The following PCDH11X variants were observed in gnomAD, a reference collection of about 807,000 sequenced individuals.
PCDH11X encodes the protein protocadherin 11 X-linked, also known as protocadherin-11 X-linked.
A neutral mutation model predicts 53.3 loss-of-function variants in PCDH11X; 18 were observed. The observed-to-expected ratio is 0.34, with a 90% CI of 0.23 to 0.50. The LOEUF (loss-of-function observed/expected upper bound fraction) is 0.50, where lower values mean the gene tolerates loss of function less well. PCDH11X is among the 20% of genes least tolerant of loss of function. The probability of loss-of-function intolerance (pLI) is 0.98; values close to 1 mark genes in which losing one functional copy is unlikely to be tolerated. For synonymous variants in PCDH11X, 279 were observed against 393.3 expected (o/e 0.71, Z 3.44); for missense variants, 570 against 1,032.4 (o/e 0.55, Z 6.14).
intron 4 of PCDH11X, 36 bp downstream of exon 4, chrX:91,811,331 C>T (rs767286337): frequency 9.2e-7 from 1 of 1,083,384 alleles, no homozygotes; most frequent in East Asian, 3.0e-5. Flanking sequence ...ATATACGTCT[C>T]CTTTCCTCTG....
chrX:91,939,837 A>G (rs2061487377), intron 6 of PCDH11X, among the ~76,000 whole-genome samples: 1 of 111,448 alleles, frequency 9.0e-6, no homozygotes, highest in Admixed American at 9.6e-5. Flanking sequence ...GAAATGCTGA[A>G]GTCCATCAGG....
chrX:92,515,520 C>T (rs758524136), intron 10 of PCDH11X: 8 of 279,720 alleles, frequency 2.9e-5, no homozygotes, highest in African/African-American at 8.7e-5. Flanking sequence ...GCCGCCGCCG[C>T]GGGCTCCCAT....
chrX:92,461,366 A>G (rs2073040484), intron 9 of PCDH11X, among the ~76,000 whole-genome samples: 1 of 109,209 alleles, frequency 9.2e-6, no homozygotes. Context: ...AGACACATAT[A>G]CCAGGGGAAC....
intron 8 of PCDH11X, among the ~76,000 whole-genome samples, chrX:92,334,626 C>A (rs1603276514): frequency 9.0e-6 from 1 of 111,575 alleles, no homozygotes; most frequent in South Asian, 3.8e-4. Flanking sequence ...AGAGAAAAGT[C>A]ATGCCATTAC....
chrX:91,813,137 A>C (rs1275586817), intron 4 of PCDH11X, among the ~76,000 whole-genome samples: 1 of 111,560 alleles, frequency 9.0e-6, no homozygotes, highest in Non-Finnish European at 1.9e-5. Context: ...CAGCCCATTC[A>C]GTTCAAAACA....
chrX:92,594,854 G>GT (rs1166211753), intron 10 of PCDH11X, among the ~76,000 whole-genome samples: 8 of 97,758 alleles, frequency 8.2e-5, no homozygotes, highest in African/African-American at 3.0e-4. Flanking sequence ...TTTTTTGTTT[G>GT]TTTGTTTTGG....
intron 10 of PCDH11X, among the ~76,000 whole-genome samples, chrX:92,558,634 T>C (rs186387655): frequency 4.2e-4 from 46 of 110,304 alleles, no homozygotes; most frequent in African/African-American, 1.4e-3. Context: ...TAAATCCTAC[T>C]AAAAACTCTT....
At chrX:91,901,070 G>A (rs1368083798) in intron 6 of PCDH11X, among the ~76,000 whole-genome samples, 1 of 110,396 alleles carries the variant, frequency 9.1e-6, no homozygotes, top group African/African-American at 3.3e-5. Context: ...TAGCTGCTGG[G>A]CCTTGCATAA....
Position 92,589,423 on chromosome X carries a change from C to T in PCDH11X, c.3368-28841C>T, listed in dbSNP as rs779810938. On this transcript the variant is annotated intron_variant, in intron 10 of 10. Transcript: ENST00000682573. ...TACAATAACATATAAATATTAACAA[C>T]AAAAATTTGAAAAGCAGGGGACAAA... 5.4e-5 allele frequency among the ~76,000 whole-genome samples: 6 copies of T among 111,345 alleles called. No individual in the cohort carries two copies. In the South Asian group the frequency reaches 1.9e-3, roughly 35 times the overall value.
intron 6 of PCDH11X, among the ~76,000 whole-genome samples, chrX:92,059,920 C>T (rs991553360): frequency 1.9e-4 from 21 of 110,502 alleles, no homozygotes; most frequent in Non-Finnish European, 3.2e-4. Context: ...ATATATTAAC[C>T]AAAGCTAAAT....
At chrX:92,052,895 C>A (rs1279496646) in intron 6 of PCDH11X, among the ~76,000 whole-genome samples, 1 of 111,303 alleles carries the variant, frequency 9.0e-6, no homozygotes, top group Non-Finnish European at 1.9e-5. Flanking sequence ...TTACTACTGA[C>A]TTCTTGTTTG....
At chrX:92,079,355 C>G (rs189907897) in intron 6 of PCDH11X, among the ~76,000 whole-genome samples, 2,405 of 111,717 alleles carry the variant, frequency 0.022, 62 homozygotes, top group African/African-American at 0.075. Flanking sequence ...GCCTCATGCT[C>G]GGGTTTCCAG....
At chrX:92,309,285 T>C (rs1286190925) in intron 8 of PCDH11X, among the ~76,000 whole-genome samples, 1 of 112,232 alleles carries the variant, frequency 8.9e-6, no homozygotes, top group Non-Finnish European at 1.9e-5. Context: ...GGTATATACA[T>C]ATACAGTAGA....
intron 6 of PCDH11X, among the ~76,000 whole-genome samples, chrX:92,092,542 G>T (rs1008123524): frequency 9.0e-6 from 1 of 111,142 alleles, no homozygotes; most frequent in African/African-American, 3.3e-5. Context: ...ACATTAGATC[G>T]GTTGGAAAGG....
intron 1 of PCDH11X, among the ~76,000 whole-genome samples, chrX:91,793,485 A>G (rs1174930581): frequency 9.0e-6 from 1 of 110,622 alleles, no homozygotes; most frequent in African/African-American, 3.3e-5. Context: ...TAAAACATGT[A>G]TTAACATAAC....
At chrX:92,563,069 T>G (rs1309729204) in intron 10 of PCDH11X, among the ~76,000 whole-genome samples, 10 of 85,200 alleles carry the variant, frequency 1.2e-4, no homozygotes, top group Middle Eastern at 0.012. Flanking sequence ...TTTTTTTTTT[T>G]TTTTTTTTTT....
intron 6 of PCDH11X, among the ~76,000 whole-genome samples, chrX:92,072,858 G>A (rs5984872): frequency 0.3 from 32,787 of 109,432 alleles, 5,529 homozygotes; most frequent in African/African-American, 0.62. Context: ...GCCTAGCACA[G>A]GGAGTTCCCT....
chrX:91,966,243 G>C (rs2061861977), intron 6 of PCDH11X, among the ~76,000 whole-genome samples: 1 of 109,627 alleles, frequency 9.1e-6, no homozygotes. Flanking sequence ...AAGACCAGAA[G>C]GATCAATATC....
chrX:91,883,686 T>A (rs1940041097), intron 6 of PCDH11X: 1 of 504,983 alleles, frequency 2.0e-6, no homozygotes, highest in African/African-American at 2.7e-5. Flanking sequence ...GCGCCTGTAG[T>A]CCCAGCTACT....
Sources: gnomAD v4.1 joint callset for allele counts (sites outside exome capture counted in the v4.1 genomes callset) on GRCh38, gnomAD v4.1.1 for gene constraint, MANE v1.5 for transcripts, NCBI Gene and HGNC (gene_info 2026-07-23, HGNC 2026-07-21) for gene names.